The following CERT1 variants were observed in gnomAD, a reference collection of about 807,000 sequenced individuals.
The protein encoded by CERT1 is ceramide transfer protein.
In CERT1, 31 loss-of-function variants were observed where a neutral mutation model predicts 87.9. The ratio of observed to expected loss-of-function variants is 0.35; its 90% CI spans 0.27 to 0.48. The LOEUF is 0.48. Among genes scored for constraint, CERT1 ranks in the 20% least tolerant of loss-of-function variants. CERT1 has a pLI of 0.99. For missense variants in CERT1, 487 were observed against 758.0 expected (o/e 0.64, Z 4.20); for synonymous variants, 289 against 250.9 (o/e 1.15, Z -1.44).
At chr5:75,419,308 T>G in intron 6 of CERT1, 33 bp downstream of exon 6, 1 of 1,384,544 alleles carries the variant, frequency 7.2e-7, no homozygotes, top group Non-Finnish European at 1.0e-6. Flanking sequence ...AAAGTATATT[T>G]TATCCAGCTG....
At chr5:75,506,623 T>A (rs114856901) in intron 1 of CERT1, among the ~76,000 whole-genome samples, 2,353 of 152,282 alleles carry the variant, frequency 0.015, 65 homozygotes, top group African/African-American at 0.053. Context: ...TATTCCTATA[T>A]GAAAATTTAT....
chr5:75,475,269 T>TTCTGAATAG (rs1765907604), intron 2 of CERT1, among the ~76,000 whole-genome samples: 1 of 152,142 alleles, frequency 6.6e-6, no homozygotes, highest in Admixed American at 6.6e-5. Flanking sequence ...ATGTGCTCCT[T>TTCTGAATAG]GTAAGAATCC....
intron 3 of CERT1, among the ~76,000 whole-genome samples, chr5:75,453,020 T>C (rs1764825777): frequency 6.6e-6 from 1 of 152,198 alleles, no homozygotes; most frequent in Non-Finnish European, 1.5e-5. Context: ...ACCTCGGGAA[T>C]AACTTTTTTC....
At chr5:75,387,321 TC>T (rs1274662804) in intron 12 of CERT1, among the ~76,000 whole-genome samples, 3 of 152,218 alleles carry the variant, frequency 2.0e-5, no homozygotes, top group African/African-American at 7.2e-5. Context: ...TAAAATGTCT[TC>T]GCTAAGACAT....
Position 75,459,176 on chromosome 5 carries a change from G to C in CERT1, c.237C>G (p.His79Gln), listed in dbSNP as rs774532682. 1.3e-6 allele frequency: 2 copies of C among 1,594,504 alleles called. No homozygotes were observed. The highest frequency in any genetic ancestry group is 1.7e-6 in the Non-Finnish European group (2 of 1,162,254). ...TATCAAATCGACATTCATCAAAATC[G>C]TGAGGCTGTGGAGAAAAAGTAGAAA... ...ICLSKAVITP[H>Q]DFDECRFDIS... is the part of the protein sequence containing the mutation. Residue 79 changes from histidine to glutamine, a missense_variant, in exon 3 of 17, where the codon CAC becomes CAG. His to Gln is a conservative substitution (Grantham distance 24). Transcript: ENST00000643780.
intron 7 of CERT1, among the ~76,000 whole-genome samples, chr5:75,416,605 A>G (rs1763143873): frequency 6.6e-6 from 1 of 152,184 alleles, no homozygotes; most frequent in Non-Finnish European, 1.5e-5. Flanking sequence ...ATGGCTCAAC[A>G]CTTCTATTCC....
upstream of CERT1, chr5:75,511,935 TC>T (rs1274627749): frequency 5.8e-6 from 6 of 1,041,648 alleles, no homozygotes; most frequent in East Asian, 1.4e-4. Flanking sequence ...CGCGCGGGGA[TC>T]GCTTGTCCCC....
In CERT1 at chr5:75,468,206, C is replaced by A. The variant is rs190008906; in HGVS notation, c.232-9025G>T. Reference sequence around the variant, plus strand: ...ACATCATTTTGAATAACTATCCATGCATTAACACATCTTCAAAAGAGCTGA... The same window carrying A: ...ACATCATTTTGAATAACTATCCATGAATTAACACATCTTCAAAAGAGCTGA... On this transcript the variant is annotated intron_variant, in intron 2 of 16. Transcript: ENST00000643780. Among the ~76,000 whole-genome samples the A allele has an allele frequency of 1.3e-4, 20 of 152,322 alleles. No individual in the cohort carries two copies. The East Asian group carries it at 3.1e-3, about 24-fold the overall frequency.
rs985879409 is a variant in CERT1, at chr5:75,433,843, T to C, written c.349-7365A>G. 5.3e-5 allele frequency among the ~76,000 whole-genome samples: 8 copies of C among 152,180 alleles called. No individual in the cohort carries two copies. In the East Asian group the frequency reaches 5.8e-4, roughly 11 times the overall value. ...GGCTTGTGGTACTGATTTTTGTACA[T>C]TGATATTATACCCTGAATTTGTTTA... On this transcript the variant is annotated intron_variant, in intron 3 of 16. Transcript: ENST00000643780.
intron 2 of CERT1, among the ~76,000 whole-genome samples, chr5:75,472,516 C>T (rs2112358265): frequency 6.6e-6 from 1 of 152,276 alleles, no homozygotes; most frequent in East Asian, 1.9e-4. Flanking sequence ...TATCTGCAAA[C>T]TATATCTCTG....
chr5:75,448,620 A>G (rs973165971), intron 3 of CERT1, among the ~76,000 whole-genome samples: 2 of 152,182 alleles, frequency 1.3e-5, no homozygotes, highest in Non-Finnish European at 2.9e-5. Context: ...AAATTGGAAA[A>G]CAGTTTATAT....
intron 8 of CERT1, among the ~76,000 whole-genome samples, chr5:75,403,663 T>C (rs1762592566): frequency 6.6e-6 from 1 of 152,202 alleles, no homozygotes; most frequent in Admixed American, 6.5e-5. Context: ...GCACAGGTAA[T>C]TGTTTCATGG....
In CERT1 at chr5:75,450,459, T is replaced by C. The variant is rs570252463; in HGVS notation, c.348+8606A>G. 3.3e-4 allele frequency among the ~76,000 whole-genome samples: 50 copies of C among 152,340 alleles called. 1 individual carries two copies. In the South Asian group the frequency reaches 9.7e-3, roughly 30 times the overall value. On this transcript the variant is annotated intron_variant, in intron 3 of 16. Coordinates refer to ENST00000643780, the MANE Select transcript of CERT1 (RefSeq NM_001379029.1). ...GTATTTTCCACCAAAATGTATTTCT[T>C]TGACATATTTTGAAATGGCCCCGCA...
At chr5:75,389,108 C>T (rs908007279) in intron 12 of CERT1, among the ~76,000 whole-genome samples, 1 of 152,046 alleles carries the variant, frequency 6.6e-6, no homozygotes, top group Non-Finnish European at 1.5e-5. Flanking sequence ...TATTTTCTGT[C>T]CTTGTGTTTA....
At chr5:75,464,639 A>G (rs1204734352) in intron 2 of CERT1, among the ~76,000 whole-genome samples, 1 of 152,062 alleles carries the variant, frequency 6.6e-6, no homozygotes, top group Non-Finnish European at 1.5e-5. Context: ...GGAGTGGTGC[A>G]ATCTTGGCTC....
intron 2 of CERT1, among the ~76,000 whole-genome samples, chr5:75,488,772 C>A (rs535912218): frequency 6.6e-6 from 1 of 152,262 alleles, no homozygotes; most frequent in South Asian, 2.1e-4. Flanking sequence ...TTTGATCTAA[C>A]AGTTTTACTG....
At chr5:75,429,859 G>C (rs199742435) in intron 3 of CERT1, among the ~76,000 whole-genome samples, 1 of 129,140 alleles carries the variant, frequency 7.7e-6, no homozygotes, top group Non-Finnish European at 1.7e-5. Flanking sequence ...AAAAAAAAAA[G>C]CAAGGGTAAA....
At chr5:75,389,209 G>C (rs1240698223) in intron 12 of CERT1, among the ~76,000 whole-genome samples, 1 of 152,004 alleles carries the variant, frequency 6.6e-6, no homozygotes, top group Non-Finnish European at 1.5e-5. Flanking sequence ...AGACCAAAAA[G>C]GGAGAGAAAC....
At chr5:75,506,149 A>G (rs149853305) in intron 1 of CERT1, 33 bp from the exon 2 acceptor site, 9 of 1,594,818 alleles carry the variant, frequency 5.6e-6, no homozygotes, top group Middle Eastern at 1.7e-4. Context: ...AAGAGAGAAG[A>G]AAACAAAAAA....
Sources: gnomAD v4.1 joint callset for allele counts (sites outside exome capture counted in the v4.1 genomes callset) on GRCh38, gnomAD v4.1.1 for gene constraint, MANE v1.5 for transcripts, NCBI Gene and HGNC (gene_info 2026-07-23, HGNC 2026-07-21) for gene names.